PARP8: variants seen among roughly 807,000 people sequenced by gnomAD.
PARP8 encodes poly(ADP-ribose) polymerase family member 8.
A neutral mutation model predicts 124.1 loss-of-function variants in PARP8; 51 were observed. The observed-to-expected ratio is 0.41, with a 90% CI of 0.33 to 0.52. PARP8 has a LOEUF of 0.52. Among genes scored for constraint, PARP8 ranks in the 20% least tolerant of loss-of-function variants. PARP8 has a pLI of 0.21. For synonymous variants in PARP8, 391 were observed against 361.5 expected, an observed-to-expected ratio of 1.08 and a Z score of -0.93; for missense variants, 860 against 1,018.9, an observed-to-expected ratio of 0.84 and a Z score of 2.12.
At chr5:50,750,122 G>T (rs745723519) in intron 2 of PARP8, 29 bp from the exon 3 acceptor site, 1 of 1,529,906 alleles carries the variant, frequency 6.5e-7, no homozygotes, top group Non-Finnish European at 9.0e-7. Flanking sequence ...GCAATAACTT[G>T]AGCCTTTTTT....
At chr5:50,756,790 T>G (rs1760008849) in intron 3 of PARP8, among the ~76,000 whole-genome samples, 1 of 152,172 alleles carries the variant, frequency 6.6e-6, no homozygotes, top group Non-Finnish European at 1.5e-5. Flanking sequence ...TTTTATAGCT[T>G]TAACTGAAAG....
At chr5:50,834,508 A>G (rs796339716) in intron 24 of PARP8, among the ~76,000 whole-genome samples, 2 of 152,268 alleles carry the variant, frequency 1.3e-5, no homozygotes, top group African/African-American at 4.8e-5. Context: ...GCAAGATGAT[A>G]TACTTTTCTT....
At chr5:50,823,335 T>G (rs1247842013) in intron 17 of PARP8, among the ~76,000 whole-genome samples, 1 of 152,258 alleles carries the variant, frequency 6.6e-6, no homozygotes, top group African/African-American at 2.4e-5. Flanking sequence ...TGATTCTTGA[T>G]TCTTTCGATC....
chr5:50,739,962 G>A (rs1757877256), intron 2 of PARP8, among the ~76,000 whole-genome samples: 1 of 151,734 alleles, frequency 6.6e-6, no homozygotes, highest in Non-Finnish European at 1.5e-5. Flanking sequence ...TCTTGGCCAG[G>A]CTGGTCTTGA....
chr5:50,692,830 CA>C (rs1394015892), intron 2 of PARP8, among the ~76,000 whole-genome samples: 3 of 152,136 alleles, frequency 2.0e-5, no homozygotes, highest in Non-Finnish European at 4.4e-5. Flanking sequence ...TGATCTGTTA[CA>C]GCACTTAAAA....
At chr5:50,839,375 G>T (rs1747922243) in intron 25 of PARP8, among the ~76,000 whole-genome samples, 1 of 151,800 alleles carries the variant, frequency 6.6e-6, no homozygotes, top group African/African-American at 2.4e-5. Flanking sequence ...AGACATAAAA[G>T]AACTTTACTC....
intron 2 of PARP8, among the ~76,000 whole-genome samples, chr5:50,749,133 A>G (rs570553561): frequency 2.6e-5 from 4 of 152,308 alleles, no homozygotes; most frequent in African/African-American, 7.2e-5. Flanking sequence ...AAAATAGGTT[A>G]CATTTTTCTG....
rs1391569345 is a variant in PARP8, at chr5:50,761,885, A to G, written c.410A>G (p.Tyr137Cys). 1.9e-6 allele frequency: 3 copies of G among 1,600,530 alleles called. No individual in the cohort carries two copies. In the South Asian group the frequency reaches 3.3e-5, roughly 18 times the overall value. ...SEGDNDSEEF[Y>C]YGGQVNYDGE... Reference sequence around the variant, plus strand: ...GGTGACAATGATTCCGAAGAATTTTATTACGGAGGGCAGGTAAGGAAACCT... The same window carrying G: ...GGTGACAATGATTCCGAAGAATTTTGTTACGGAGGGCAGGTAAGGAAACCT... Residue 137 changes from tyrosine to cysteine, a missense_variant, in exon 6 of 26, where the codon TAT becomes TGT. Around this residue, in one of 2 missense-constraint regions of PARP8, gnomAD observed 517 missense variants for 544.2 expected, o/e 0.95. Coordinates refer to ENST00000281631, the MANE Select transcript of PARP8 (RefSeq NM_024615.4).
At chr5:50,770,257 G>A (rs772038428) in intron 7 of PARP8, among the ~76,000 whole-genome samples, 2 of 151,988 alleles carry the variant, frequency 1.3e-5, no homozygotes, top group Non-Finnish European at 2.9e-5. Flanking sequence ...GAATATATTT[G>A]TTATTATTTT....
In PARP8 at chr5:50,845,239, A is replaced by G. The variant is rs1748526678; in HGVS notation, c.*3171A>G. 6.6e-6 allele frequency: 1 copy of G among 151,764 alleles called. No individual in the cohort carries two copies. Among genetic ancestry groups the G allele is most frequent in the Non-Finnish European group, 1.5e-5 (1 of 67,794 alleles). The allele number at this position is 151,764 out of a possible 1,614,324, so 9.4% of individuals were successfully genotyped here. ...TTTAGCAGTACTTTGTATAATAAAA[A>G]TATTTTTTAAACTATAACTTGCCTT... On this transcript the variant is annotated 3_prime_UTR_variant, in exon 26 of 26. Transcript: ENST00000281631.
chr5:50,681,494 C>A (rs1299665808), intron 2 of PARP8, among the ~76,000 whole-genome samples: 1 of 152,104 alleles, frequency 6.6e-6, no homozygotes, highest in Non-Finnish European at 1.5e-5. Flanking sequence ...TGGTAACATT[C>A]CTTTTTGATA....
rs1242156754 is a variant in PARP8 at position 50,725,096 on chromosome 5, CAT to C, written c.147-25052_147-25051del. On this transcript the variant is annotated intron_variant, in intron 2 of 25. Coordinates refer to ENST00000281631, the MANE Select transcript of PARP8 (RefSeq NM_024615.4). ...GTATGTGTATATATATATATATACA[CAT>C]ATGTGTATGTATACTATATATGTAT... Among the ~76,000 whole-genome samples the C allele has an allele frequency of 5.5e-5, 8 of 145,614 alleles. No individual in the cohort carries two copies. The South Asian group carries it at 6.5e-4, about 12-fold the overall frequency.
At chr5:50,782,871 G>T in intron 9 of PARP8, among the ~76,000 whole-genome samples, 1 of 152,186 alleles carries the variant, frequency 6.6e-6, no homozygotes. Flanking sequence ...AAACAGGATG[G>T]TGAGGCTCAT....
chr5:50,794,515 A>G (rs555924122), intron 11 of PARP8, among the ~76,000 whole-genome samples, 183 bp downstream of exon 11: 5 of 152,242 alleles, frequency 3.3e-5, no homozygotes, highest in African/African-American at 9.6e-5. Context: ...GTTTTTATTA[A>G]TATTTATTTA....
intron 2 of PARP8, among the ~76,000 whole-genome samples, chr5:50,697,498 GTTATC>G (rs1424249723): frequency 6.6e-6 from 1 of 152,102 alleles, no homozygotes; most frequent in Non-Finnish European, 1.5e-5. Flanking sequence ...TATATTTATC[GTTATC>G]TTTTCTTTTC....
chr5:50,822,552 A>G (rs1580463459), intron 17 of PARP8, 152 bp downstream of exon 17: 2 of 600,400 alleles, frequency 3.3e-6, no homozygotes, highest in South Asian at 4.4e-5. Flanking sequence ...GTGTACTAGC[A>G]TGTAACACTG....
In PARP8 at chr5:50,797,152, T is replaced by C. The variant is rs768021863; in HGVS notation, c.1494T>C (p.Ala498=). Reference sequence around the variant, plus strand: ...GTTTTATTCAGACAATTGAGTTTGCTGAACAGCGGATCCCTGTATTAAATG... The same window carrying C: ...GTTTTATTCAGACAATTGAGTTTGCCGAACAGCGGATCCCTGTATTAAATG... The part of the protein sequence containing the change: ...RGFLVQTIEF[A]EQRIPVLNEY... Residue 498 remains alanine, a synonymous_variant, in exon 14 of 26, where the codon GCT becomes GCC. Coordinates refer to ENST00000281631, the MANE Select transcript of PARP8 (RefSeq NM_024615.4). 1 of 1,613,328 alleles carries C rather than the reference T, an allele frequency of 6.2e-7. No homozygotes were observed. The highest frequency in any genetic ancestry group is 2.2e-5 in the East Asian group (1 of 44,842).
At chr5:50,797,867 A>G in intron 14 of PARP8, among the ~76,000 whole-genome samples, 1 of 152,206 alleles carries the variant, frequency 6.6e-6, no homozygotes, top group Non-Finnish European at 1.5e-5. Flanking sequence ...GTGGTTTTTC[A>G]TATATTCACA....
chr5:50,768,913 A>C (rs561999333), intron 7 of PARP8, among the ~76,000 whole-genome samples: 1 of 152,312 alleles, frequency 6.6e-6, no homozygotes. Flanking sequence ...TCATTTGTGA[A>C]TTCTTTGAAA....
Sources: gnomAD v4.1 joint callset for allele counts (sites outside exome capture counted in the v4.1 genomes callset) on GRCh38, gnomAD v4.1.1 for gene constraint, gnomAD v4.1.1 regional missense constraint, MANE v1.5 for transcripts, NCBI Gene and HGNC (gene_info 2026-07-23, HGNC 2026-07-21) for gene names.